The following ADAMTS2 variants were observed in gnomAD, a reference collection of about 807,000 sequenced individuals.
ADAMTS2 encodes ADAM metallopeptidase with thrombospondin type 1 motif 2, also known as A disintegrin and metalloproteinase with thrombospondin motifs 2.
Under a neutral mutation model 123.0 loss-of-function variants are expected in ADAMTS2, and 50 were observed. That is an observed-to-expected ratio of 0.41 (90% CI 0.32 to 0.51). The LOEUF is 0.51. Ranked by LOEUF, ADAMTS2 falls within the 20% of genes least tolerant of loss-of-function variation. The probability of loss-of-function intolerance (pLI) is 0.35; values close to 1 mark genes in which losing one functional copy is unlikely to be tolerated. For missense variants in ADAMTS2, 1,494 were observed against 1,705.2 expected (o/e 0.88, Z 2.18); for synonymous variants, 678 against 695.4 (o/e 0.98, Z 0.39).
At chr5:179,299,676 G>GT (rs968517295) in intron 2 of ADAMTS2, among the ~76,000 whole-genome samples, 2 of 151,812 alleles carry the variant, frequency 1.3e-5, no homozygotes, top group Admixed American at 6.6e-5. Context: ...ATGTTTCCTT[G>GT]TTTTTTTCCA....
chr5:179,193,350 T>C (rs1293388526), intron 4 of ADAMTS2, among the ~76,000 whole-genome samples: 1 of 152,102 alleles, frequency 6.6e-6, no homozygotes, highest in Non-Finnish European at 1.5e-5. Context: ...ATCTTTCCCT[T>C]CCCACACCCT....
At position 179,191,482 on chromosome 5, in the gene ADAMTS2, T is replaced by C. The variant is rs140176256; in HGVS notation, c.892-10327A>G. 8.0e-3 allele frequency among the ~76,000 whole-genome samples: 1,214 copies of C among 152,228 alleles called. 16 individuals are homozygous for C. The highest frequency in any genetic ancestry group is 0.027 in the African/African-American group (1,139 of 41,532). On this transcript the variant is annotated intron_variant, in intron 4 of 21. Transcript: ENST00000251582. ...GCACCACCATGTAATTTGAGAACAATGCATTTTTATTCCCCCACACATCAT... is the reference window on the plus strand; with the variant it reads ...GCACCACCATGTAATTTGAGAACAACGCATTTTTATTCCCCCACACATCAT...
chr5:179,328,546 G>A (rs183696695), intron 2 of ADAMTS2, among the ~76,000 whole-genome samples: 54 of 152,334 alleles, frequency 3.5e-4, no homozygotes, highest in African/African-American at 1.1e-3. Context: ...CAAGTGGTTC[G>A]TGGCAGCTCT....
chr5:179,224,452 T>G (rs1298223836), intron 3 of ADAMTS2, among the ~76,000 whole-genome samples: 1 of 152,242 alleles, frequency 6.6e-6, no homozygotes, highest in Non-Finnish European at 1.5e-5. Flanking sequence ...GTTCACATGT[T>G]GAACAGAGAG....
At position 179,133,393 on chromosome 5, in the gene ADAMTS2, G is replaced by A. The variant is rs188957524; in HGVS notation, c.2086-493C>T. Among the ~76,000 whole-genome samples the A allele has an allele frequency of 7.8e-3, 1,183 of 151,984 alleles. 9 individuals carry two copies. Among genetic ancestry groups the A allele is most frequent in the African/African-American group, 0.027 (1,126 of 41,450 alleles). ...AGCAATTCTTCTGCCTCAGCCTCCC[G>A]AGTAGCTGGGATTACAGGTGCCCAC... is the stretch of plus-strand genomic sequence containing the variant. On this transcript the variant is annotated intron_variant, in intron 13 of 21. Coordinates refer to ENST00000251582, the MANE Select transcript of ADAMTS2 (RefSeq NM_014244.5).
chr5:179,216,430 C>T (rs181500012), intron 3 of ADAMTS2, among the ~76,000 whole-genome samples: 16 of 152,302 alleles, frequency 1.1e-4, no homozygotes, highest in East Asian at 1.9e-4. Flanking sequence ...TTCCCCCCAC[C>T]GAGAGCTGGA....
chr5:179,311,226 C>A (rs576676679), intron 2 of ADAMTS2, among the ~76,000 whole-genome samples: 2 of 152,224 alleles, frequency 1.3e-5, no homozygotes, highest in African/African-American at 4.8e-5. Flanking sequence ...CAGGGCCTGG[C>A]GCTCCTGGCC....
At chr5:179,207,471 A>AACCC in intron 4 of ADAMTS2, 42 bp downstream of exon 4, 1 of 1,026,468 alleles carries the variant, frequency 9.7e-7, no homozygotes, top group Non-Finnish European at 1.5e-6. Flanking sequence ...CCCCTGGTTG[A>AACCC]CCCTCCCCGC....
At chr5:179,133,628 T>G (rs1484803342) in intron 13 of ADAMTS2, among the ~76,000 whole-genome samples, 1 of 152,130 alleles carries the variant, frequency 6.6e-6, no homozygotes, top group Admixed American at 6.6e-5. Context: ...TGACCCAGTA[T>G]TAGGTTCTGC....
rs1762610124 is a variant in ADAMTS2, at chr5:179,113,674, T to C, written c.*193A>G. 1.4e-5 allele frequency: 9 copies of C among 643,004 alleles called. No individual in the cohort carries two copies. Among genetic ancestry groups the C allele is most frequent in the African/African-American group, 1.3e-4 (7 of 54,976 alleles). The allele number at this position is 643,004 out of a possible 1,614,324, so 39.8% of individuals were successfully genotyped here. A position where few individuals can be genotyped will look rare whatever the true frequency, so the allele number is the denominator to read the frequency against. ...CCACAGTATTTGGTCGCTCCTGGGC[T>C]GGGAAGCACACGTGCTAACCTAGTT... On this transcript the variant is annotated 3_prime_UTR_variant, in exon 22 of 22. Coordinates refer to ENST00000251582, the MANE Select transcript of ADAMTS2 (RefSeq NM_014244.5).
chr5:179,240,898 G>C (rs72818683), intron 3 of ADAMTS2, among the ~76,000 whole-genome samples: 4,083 of 152,338 alleles, frequency 0.027, 87 homozygotes, highest in Non-Finnish European at 0.036. Context: ...AAGAGGAACA[G>C]GGTTCAACTC....
intron 2 of ADAMTS2, among the ~76,000 whole-genome samples, chr5:179,337,390 TAC>T (rs1491163847): frequency 1.3e-5 from 2 of 152,028 alleles, no homozygotes; most frequent in East Asian, 1.9e-4. Context: ...CACACACGTG[TAC>T]ACACTCATTC....
chr5:179,343,682 C>T, intron 2 of ADAMTS2, 85 bp downstream of exon 2: 2 of 1,534,402 alleles, frequency 1.3e-6, no homozygotes, highest in Non-Finnish European at 1.8e-6. Flanking sequence ...CAGGCCTTGC[C>T]CTCCCAAGGG....
intron 2 of ADAMTS2, among the ~76,000 whole-genome samples, chr5:179,330,236 C>T (rs1757447663): frequency 6.6e-6 from 1 of 152,186 alleles, no homozygotes; most frequent in Non-Finnish European, 1.5e-5. Flanking sequence ...TCCTGCAGGC[C>T]TTGGGGAGCC....
At chr5:179,160,228 G>A (rs555945402) in intron 5 of ADAMTS2, among the ~76,000 whole-genome samples, 5 of 152,220 alleles carry the variant, frequency 3.3e-5, no homozygotes, top group Non-Finnish European at 5.9e-5. Flanking sequence ...GGAGGCTGAG[G>A]CAGGTGGATC....
intron 20 of ADAMTS2, 42 bp from the exon 21 acceptor site, chr5:179,121,792 C>T: frequency 7.1e-7 from 1 of 1,411,330 alleles, no homozygotes; most frequent in Non-Finnish European, 9.6e-7. Flanking sequence ...GGGCACCAGG[C>T]TGGGGCCCCC....
At chr5:179,294,290 T>C (rs1056194365) in intron 2 of ADAMTS2, among the ~76,000 whole-genome samples, 2 of 152,102 alleles carry the variant, frequency 1.3e-5, no homozygotes, top group Non-Finnish European at 1.5e-5. Context: ...GGGAGAAAGA[T>C]GTTGATGAAG....
At chr5:179,251,115 G>A (rs904040280) in intron 3 of ADAMTS2, among the ~76,000 whole-genome samples, 8 of 152,204 alleles carry the variant, frequency 5.3e-5, no homozygotes, top group Non-Finnish European at 5.9e-5. Flanking sequence ...AGGCGGGCCT[G>A]GGTTCAAATC....
At position 179,126,150 on chromosome 5, in the gene ADAMTS2, C is replaced by CG. The variant is rs758996506; in HGVS notation, c.2618-21dup. On this transcript the variant is annotated intron_variant, in intron 17 of 21. Coordinates refer to ENST00000251582, the MANE Select transcript of ADAMTS2 (RefSeq NM_014244.5). The stretch of plus-strand genomic sequence containing the variant: ...GGGACCCTGAAGGCAGAGAGCTCGA[C>CG]GGGGGTCGGTGGGGCAGCATGCCCT... 1 of 1,612,878 alleles carries CG rather than the reference C, an allele frequency of 6.2e-7. No homozygotes were observed. Among genetic ancestry groups the CG allele is most frequent in the Admixed American group, 1.7e-5 (1 of 60,022 alleles).
Sources: allele counts gnomAD v4.1 joint callset (sites outside exome capture counted in the v4.1 genomes callset), GRCh38; gene constraint gnomAD v4.1.1; transcripts MANE v1.5; gene names NCBI Gene and HGNC (gene_info 2026-07-23, HGNC 2026-07-21).